Variants in KCTD8 observed in about 807,000 individuals in gnomAD.
KCTD8 encodes the protein BTB/POZ domain-containing protein KCTD8.
A neutral mutation model predicts 31.5 loss-of-function variants in KCTD8; 27 were observed. The ratio of observed to expected loss-of-function variants is 0.86; its 90% confidence interval spans 0.63 to 1.18. The LOEUF is 1.18. Among genes scored for constraint, KCTD8 ranks in the 50% most tolerant of loss-of-function variants. KCTD8 has a pLI of 0.00. For missense variants in KCTD8, 658 were observed against 647.7 expected (o/e 1.02, Z -0.17); for synonymous variants, 290 against 280.0 (o/e 1.04, Z -0.36).
chr4:44,310,683 ATAAT>A (rs1560422600), intron 1 of KCTD8, among the ~76,000 whole-genome samples: 1 of 152,142 alleles, frequency 6.6e-6, no homozygotes, highest in Admixed American at 6.6e-5. Flanking sequence ...GGAATAAAAC[ATAAT>A]TAGTTACCAC....
At chr4:44,302,611 A>T (rs1577603588) in intron 1 of KCTD8, among the ~76,000 whole-genome samples, 1 of 151,784 alleles carries the variant, frequency 6.6e-6, no homozygotes, top group Non-Finnish European at 1.5e-5. Flanking sequence ...GCTTAAGGAG[A>T]TTTTGGGCTG....
At position 44,240,576 on chromosome 4, in the gene KCTD8, G is replaced by A. The variant is rs942605547; in HGVS notation, c.962-65326C>T. Reference sequence around the variant, plus strand: ...CTGATCTCAAAATCCTGGGCTCAACGAATTCTCCCACCTAAGCCTCCAGAG... The same window carrying A: ...CTGATCTCAAAATCCTGGGCTCAACAAATTCTCCCACCTAAGCCTCCAGAG... On this transcript the variant is annotated intron_variant, in intron 1 of 1. Coordinates refer to ENST00000360029, the MANE Select transcript of KCTD8 (RefSeq NM_198353.3). Among the ~76,000 whole-genome samples, 15 of 152,218 alleles carry A rather than the reference G, an allele frequency of 9.9e-5. No individual in the cohort carries two copies. In the South Asian group the frequency reaches 2.7e-3, roughly 27 times the overall value.
intron 1 of KCTD8, among the ~76,000 whole-genome samples, chr4:44,222,623 T>C (rs757539814): frequency 6.6e-6 from 1 of 152,134 alleles, no homozygotes; most frequent in Non-Finnish European, 1.5e-5. Flanking sequence ...GTAAAAACAA[T>C]GTGGCTGCAA....
At chr4:44,237,808 G>A (rs1168541554) in intron 1 of KCTD8, among the ~76,000 whole-genome samples, 2 of 152,144 alleles carry the variant, frequency 1.3e-5, no homozygotes, top group African/African-American at 4.8e-5. Context: ...TCATAGGAGT[G>A]AGATGACTCA....
chr4:44,352,817 C>T (rs1348248990), intron 1 of KCTD8, among the ~76,000 whole-genome samples: 2 of 151,792 alleles, frequency 1.3e-5, no homozygotes, highest in Non-Finnish European at 2.9e-5. Context: ...TATCTTCTTC[C>T]ACTCCTGAAG....
intron 1 of KCTD8, among the ~76,000 whole-genome samples, chr4:44,240,049 A>G (rs956437399): frequency 1.3e-5 from 2 of 152,190 alleles, no homozygotes; most frequent in Admixed American, 6.5e-5. Flanking sequence ...AATCATTACA[A>G]TTTTGCATAA....
Position 44,341,748 on chromosome 4 carries a change from A to G in KCTD8, c.961+105815T>C, listed in dbSNP as rs542127772. Reference sequence around the variant, plus strand: ...TCCACTGAAGTTTTGAACCCTACAAAGATATTCATGAGGGTTGGAATCAAC... The same window carrying G: ...TCCACTGAAGTTTTGAACCCTACAAGGATATTCATGAGGGTTGGAATCAAC... On this transcript the variant is annotated intron_variant, in intron 1 of 1. Coordinates refer to ENST00000360029, the MANE Select transcript of KCTD8 (RefSeq NM_198353.3). Among the ~76,000 whole-genome samples the G allele has an allele frequency of 2.6e-5, 4 of 152,292 alleles. No individual in the cohort carries two copies. In the South Asian group the frequency reaches 8.3e-4, roughly 32 times the overall value.
At chr4:44,243,305 T>C (rs1715558895) in intron 1 of KCTD8, among the ~76,000 whole-genome samples, 1 of 152,250 alleles carries the variant, frequency 6.6e-6, no homozygotes, top group Non-Finnish European at 1.5e-5. Context: ...GACAAGGTTA[T>C]CCTGTTGCTA....
intron 1 of KCTD8, among the ~76,000 whole-genome samples, chr4:44,269,093 A>C (rs902325394): frequency 6.6e-6 from 1 of 152,192 alleles, no homozygotes; most frequent in Non-Finnish European, 1.5e-5. Flanking sequence ...GTCAATCCTA[A>C]GCCAAAAGAA....
At chr4:44,321,616 T>C (rs1378833885) in intron 1 of KCTD8, among the ~76,000 whole-genome samples, 1 of 152,180 alleles carries the variant, frequency 6.6e-6, no homozygotes, top group African/African-American at 2.4e-5. Flanking sequence ...AACATTACAA[T>C]ATCCTTCTAG....
At chr4:44,265,727 C>G (rs1483724902) in intron 1 of KCTD8, among the ~76,000 whole-genome samples, 1 of 151,744 alleles carries the variant, frequency 6.6e-6, no homozygotes, top group Non-Finnish European at 1.5e-5. Context: ...AGCCAAGGCT[C>G]GAGAACTACG....
chr4:44,238,806 A>G (rs1715364577), intron 1 of KCTD8, among the ~76,000 whole-genome samples: 2 of 152,210 alleles, frequency 1.3e-5, no homozygotes, highest in Non-Finnish European at 2.9e-5. Flanking sequence ...ATTTCTTTAC[A>G]CAGGAATTAA....
At chr4:44,193,626 A>G (rs753776878) in intron 1 of KCTD8, among the ~76,000 whole-genome samples, 3 of 151,936 alleles carry the variant, frequency 2.0e-5, no homozygotes, top group African/African-American at 4.8e-5. Context: ...ATTTTATTTT[A>G]CATCTAGGTA....
intron 1 of KCTD8, among the ~76,000 whole-genome samples, chr4:44,243,508 G>A (rs773938326): frequency 2.0e-5 from 3 of 152,126 alleles, no homozygotes; most frequent in East Asian, 1.9e-4. Context: ...GTAAGGGCAG[G>A]GCTCTTCATA....
chr4:44,254,196 A>G (rs996154306), intron 1 of KCTD8, among the ~76,000 whole-genome samples: 2 of 151,914 alleles, frequency 1.3e-5, no homozygotes, highest in Non-Finnish European at 2.9e-5. Context: ...AAAAAAAGTG[A>G]ACTGTTTAGT....
rs557204586 is a variant in KCTD8 at position 44,215,773 on chromosome 4, ACCAATGTTAAC to A, written c.962-40534_962-40524del. Among the ~76,000 whole-genome samples, 835 of 152,278 alleles carry A rather than the reference ACCAATGTTAAC, an allele frequency of 5.5e-3. 9 individuals are homozygous for A. The highest frequency in any genetic ancestry group is 0.019 in the African/African-American group (797 of 41,532). ...AAAAATGCCTTCTGGAAACTAGGGG[ACCAATGTTAAC>A]CTGTCTAGTTCTCCTGAAAGAAAGA... On this transcript the variant is annotated intron_variant, in intron 1 of 1. Transcript: ENST00000360029.
intron 1 of KCTD8, among the ~76,000 whole-genome samples, chr4:44,265,592 T>C (rs757337005): frequency 3.2e-4 from 49 of 151,944 alleles, no homozygotes; most frequent in Non-Finnish European, 6.0e-4. Flanking sequence ...ATCAAACTAC[T>C]CCGAGCTACA....
chr4:44,181,250 ACG>A (rs1713379755), intron 1 of KCTD8, among the ~76,000 whole-genome samples: 1 of 131,632 alleles, frequency 7.6e-6, no homozygotes, highest in Non-Finnish European at 1.5e-5. Flanking sequence ...CTCTCTTTCC[ACG>A]GTCTCCCTCT....
chr4:44,305,139 TAAAA>T (rs1560421223), intron 1 of KCTD8, among the ~76,000 whole-genome samples: 1 of 151,452 alleles, frequency 6.6e-6, no homozygotes, highest in East Asian at 1.9e-4. Flanking sequence ...GAATGAAAAA[TAAAA>T]GAACAGAATT....
Sources: gnomAD v4.1 joint callset for allele counts (sites outside exome capture counted in the v4.1 genomes callset) on GRCh38, gnomAD v4.1.1 for gene constraint, MANE v1.5 for transcripts, NCBI Gene and HGNC (gene_info 2026-07-23, HGNC 2026-07-21) for gene names.